The following ADGRL3 variants were observed in gnomAD, a reference collection of about 807,000 sequenced individuals.
The protein encoded by ADGRL3 is adhesion G protein-coupled receptor L3.
A neutral mutation model predicts 153.5 loss-of-function variants in ADGRL3; 62 were observed. The observed-to-expected ratio is 0.40, with a 90% CI of 0.33 to 0.50. The LOEUF (loss-of-function observed/expected upper bound fraction) is 0.50. Among genes scored for constraint, ADGRL3 ranks in the 20% least tolerant of loss-of-function variants. The pLI, the probability that ADGRL3 is intolerant of heterozygous loss-of-function variation, is 0.47. For synonymous variants in ADGRL3, 710 were observed against 672.5 expected (o/e 1.06, Z -0.86); for missense variants, 1,641 against 1,859.4 (o/e 0.88, Z 2.16).
chr4:61,533,811 C>A (rs770380328), intron 4 of ADGRL3, among the ~76,000 whole-genome samples: 3 of 151,926 alleles, frequency 2.0e-5, no homozygotes, highest in Non-Finnish European at 4.4e-5. Context: ...GAAATTTTAG[C>A]GTAAAAAATA....
chr4:61,912,645 A>G, intron 12 of ADGRL3, 74 bp from the exon 13 acceptor site: 1 of 1,341,960 alleles, frequency 7.5e-7, no homozygotes, highest in South Asian at 1.2e-5. Flanking sequence ...GTGTTCTTTT[A>G]TTTTTCTTGT....
In ADGRL3 at chr4:61,211,576, T is replaced by G. The variant is rs577614640; in HGVS notation, c.-240+9811T>G. On this transcript the variant is annotated intron_variant, in intron 1 of 26. Coordinates refer to ENST00000683033, the MANE Select transcript of ADGRL3 (RefSeq NM_001387552.1). ...TTTAATAACTGGGACAAGTCAGGTG[T>G]TAGAAGAATTGGTTAGGAAAATCAT... 8 of 152,312 alleles carry G rather than the reference T, an allele frequency of 5.3e-5. No individual in the cohort carries two copies. The East Asian group carries it at 1.5e-3, about 29-fold the overall frequency. 9.4% of individuals were successfully genotyped at this position (152,312 alleles called of 1,614,324 possible). A position where few individuals can be genotyped will look rare whatever the true frequency, so the allele number is the denominator to read the frequency against.
chr4:61,820,834 C>G (rs1561304892), intron 9 of ADGRL3, among the ~76,000 whole-genome samples: 1 of 152,148 alleles, frequency 6.6e-6, no homozygotes, highest in Admixed American at 6.5e-5. Context: ...CCCACCAACT[C>G]TCCTTTCTCC....
At chr4:61,641,754 C>A (rs2093685962) in intron 5 of ADGRL3, among the ~76,000 whole-genome samples, 1 of 151,446 alleles carries the variant, frequency 6.6e-6, no homozygotes, top group Non-Finnish European at 1.5e-5. Context: ...CATACGTGTG[C>A]ATGTGTCTTT....
At chr4:61,343,179 T>A (rs1304254508) in intron 1 of ADGRL3, among the ~76,000 whole-genome samples, 1 of 152,122 alleles carries the variant, frequency 6.6e-6, no homozygotes, top group Non-Finnish European at 1.5e-5. Flanking sequence ...AAGACGAGAT[T>A]TGGGTGGGGA....
chr4:61,639,592 T>C (rs992867507), intron 5 of ADGRL3, among the ~76,000 whole-genome samples: 5 of 152,168 alleles, frequency 3.3e-5, no homozygotes, highest in African/African-American at 1.2e-4. Flanking sequence ...AAAATAATAC[T>C]GATTCATTAG....
chr4:61,444,413 C>G (rs910040161), intron 2 of ADGRL3, among the ~76,000 whole-genome samples: 11 of 152,130 alleles, frequency 7.2e-5, no homozygotes, highest in Non-Finnish European at 1.5e-4. Context: ...CCCCAGCCAG[C>G]CCCTGACTGG....
intron 8 of ADGRL3, among the ~76,000 whole-genome samples, chr4:61,755,068 G>A (rs554739325): frequency 1.4e-3 from 220 of 152,214 alleles, no homozygotes; most frequent in African/African-American, 5.0e-3. Flanking sequence ...GAATAGTGCT[G>A]CAATAAACAT....
At chr4:61,485,824 A>G (rs1463326417) in intron 2 of ADGRL3, among the ~76,000 whole-genome samples, 1 of 152,068 alleles carries the variant, frequency 6.6e-6, no homozygotes, top group Non-Finnish European at 1.5e-5. Flanking sequence ...GATGTTTCCT[A>G]GTTTAGACCC....
intron 5 of ADGRL3, among the ~76,000 whole-genome samples, chr4:61,630,920 C>T (rs1018145451): frequency 3.9e-5 from 6 of 152,272 alleles, no homozygotes; most frequent in Admixed American, 6.5e-5. Context: ...CCTTCACTAC[C>T]TATCTTACTA....
At chr4:61,593,175 T>C (rs1381794183) in intron 5 of ADGRL3, among the ~76,000 whole-genome samples, 3 of 152,190 alleles carry the variant, frequency 2.0e-5, no homozygotes, top group Admixed American at 6.5e-5. Flanking sequence ...TAACATTTTG[T>C]TGTTTCTCTT....
At chr4:61,742,531 C>T (rs2096594822) in intron 8 of ADGRL3, among the ~76,000 whole-genome samples, 2 of 152,044 alleles carry the variant, frequency 1.3e-5, no homozygotes, top group Non-Finnish European at 1.5e-5. Flanking sequence ...CCACCCATCT[C>T]GGCCTCCCAA....
intron 1 of ADGRL3, among the ~76,000 whole-genome samples, chr4:61,263,122 A>G (rs2092641431): frequency 6.6e-6 from 1 of 152,112 alleles, no homozygotes; most frequent in South Asian, 2.1e-4. Context: ...GCTAAATTAA[A>G]AGGTTATGCA....
chr4:61,918,299 C>T (rs538225842), intron 13 of ADGRL3, among the ~76,000 whole-genome samples: 4 of 152,178 alleles, frequency 2.6e-5, no homozygotes, highest in Admixed American at 2.0e-4. Flanking sequence ...TTGGGAGGGG[C>T]AGAAAGAGAA....
chr4:61,773,630 AT>A (rs1225073783), intron 8 of ADGRL3, among the ~76,000 whole-genome samples: 3 of 152,186 alleles, frequency 2.0e-5, no homozygotes, highest in Admixed American at 6.5e-5. Flanking sequence ...TCTTAAAAAA[AT>A]ATTTTTATAC....
chr4:62,050,177 A>T (rs1190140550), intron 25 of ADGRL3, among the ~76,000 whole-genome samples: 1 of 152,130 alleles, frequency 6.6e-6, no homozygotes, highest in Non-Finnish European at 1.5e-5. Context: ...ATAAAATAAT[A>T]AAACTGAATT....
intron 2 of ADGRL3, among the ~76,000 whole-genome samples, chr4:61,423,708 G>A (rs1034955962): frequency 6.6e-6 from 1 of 152,086 alleles, no homozygotes; most frequent in Non-Finnish European, 1.5e-5. Context: ...ATTGTGAGAG[G>A]TTTCAGACTT....
intron 5 of ADGRL3, among the ~76,000 whole-genome samples, chr4:61,640,982 G>C (rs565815404): frequency 6.6e-6 from 1 of 152,048 alleles, no homozygotes; most frequent in East Asian, 1.9e-4. Context: ...ATATATTTTT[G>C]ATCACTATAT....
intron 8 of ADGRL3, among the ~76,000 whole-genome samples, chr4:61,764,255 T>G (rs918583157): frequency 6.6e-6 from 1 of 152,092 alleles, no homozygotes; most frequent in Non-Finnish European, 1.5e-5. Context: ...CAAACAGGCT[T>G]TGTGTGAGCA....
Sources: gnomAD v4.1 joint callset for allele counts (sites outside exome capture counted in the v4.1 genomes callset) on GRCh38, gnomAD v4.1.1 for gene constraint, MANE v1.5 for transcripts, NCBI Gene and HGNC (gene_info 2026-07-23, HGNC 2026-07-21) for gene names.